INVS: variants seen among roughly 807,000 people sequenced by gnomAD.
INVS encodes the protein inversin.
INVS carries 86 observed loss-of-function variants against 108.8 expected under a neutral mutation model. The ratio of observed to expected loss-of-function variants is 0.79; its 90% CI spans 0.66 to 0.95. INVS has a LOEUF of 0.95. INVS is among the 40% of genes least tolerant of loss of function. INVS has a pLI of 0.00. For synonymous variants in INVS, 455 were observed against 473.5 expected (o/e 0.96, Z 0.51); for missense variants, 1,169 against 1,297.4 (o/e 0.90, Z 1.52).
intron 3 of INVS, among the ~76,000 whole-genome samples, chr9:100,199,497 C>A (rs1349832529): frequency 6.6e-6 from 1 of 151,942 alleles, no homozygotes; most frequent in Non-Finnish European, 1.5e-5. Flanking sequence ...TTTAATTTTT[C>A]ATTTTAGTTC....
At chr9:100,150,732 GATT>G (rs1433244169) in intron 3 of INVS, among the ~76,000 whole-genome samples, 1 of 152,126 alleles carries the variant, frequency 6.6e-6, no homozygotes, top group African/African-American at 2.4e-5. Context: ...GAATCAGGAT[GATT>G]ATTATTCCTA....
At chr9:100,122,874 G>A (rs1035037099) in intron 2 of INVS, among the ~76,000 whole-genome samples, 9 of 151,928 alleles carry the variant, frequency 5.9e-5, no homozygotes, top group African/African-American at 1.9e-4. Flanking sequence ...GTGAGCCACT[G>A]CGCCCAGCCT....
intron 10 of INVS, among the ~76,000 whole-genome samples, chr9:100,261,042 A>C (rs758397878): frequency 4.6e-5 from 7 of 152,184 alleles, no homozygotes; most frequent in Non-Finnish European, 1.0e-4. Flanking sequence ...AATTTATCTC[A>C]GTTTAGCCAG....
intron 3 of INVS, chr9:100,175,852 T>A (rs548504554): frequency 1.5e-6 from 1 of 652,098 alleles, no homozygotes; most frequent in East Asian, 4.1e-5. Flanking sequence ...CCTGGAACAA[T>A]CCCTTCTATA....
At chr9:100,270,129 T>TG (rs1832906975) in intron 11 of INVS, among the ~76,000 whole-genome samples, 1 of 151,974 alleles carries the variant, frequency 6.6e-6, no homozygotes, top group South Asian at 2.1e-4. Context: ...CAATTTTTTT[T>TG]TTGCAGTGTT....
chr9:100,132,436 T>C (rs2787366), intron 3 of INVS, among the ~76,000 whole-genome samples: 104,168 of 152,122 alleles, frequency 0.68, 36,784 homozygotes, highest in East Asian at 0.91. Context: ...TAATAAACAA[T>C]GCTCTTGTAT....
At chr9:100,288,941 A>C (rs1327217843) in intron 13 of INVS, among the ~76,000 whole-genome samples, 1 of 151,966 alleles carries the variant, frequency 6.6e-6, no homozygotes, top group Non-Finnish European at 1.5e-5. Flanking sequence ...TTTGATCTTT[A>C]TGCTGAGGCC....
Position 100,253,150 on chromosome 9 carries a change from C to G in INVS, c.1464+14C>G, listed in dbSNP as rs761109660. 2 of 1,581,712 alleles carry G rather than the reference C, an allele frequency of 1.3e-6. No individual in the cohort carries two copies. Among genetic ancestry groups the G allele is most frequent in the Non-Finnish European group, 1.7e-6 (2 of 1,151,872 alleles). ...CAAGACAAAGAGGTAGAAATTCTGT[C>G]TTTTCTATATTGTTTGCTCCAAAGA... On this transcript the variant is annotated intron_variant, in intron 10 of 16. Transcript: ENST00000262457.
At chr9:100,211,761 T>C (rs1830838604) in intron 3 of INVS, among the ~76,000 whole-genome samples, 1 of 152,216 alleles carries the variant, frequency 6.6e-6, no homozygotes, top group African/African-American at 2.4e-5. Flanking sequence ...GCTGATGTAT[T>C]GTCTAGCTGC....
At chr9:100,223,285 C>T (rs1831207156) in intron 3 of INVS, among the ~76,000 whole-genome samples, 1 of 151,834 alleles carries the variant, frequency 6.6e-6, no homozygotes, top group Non-Finnish European at 1.5e-5. Context: ...TTAGTAGACA[C>T]AAAGTTTCAC....
intron 3 of INVS, among the ~76,000 whole-genome samples, chr9:100,141,167 T>TG (rs1178715400): frequency 1.3e-5 from 2 of 152,202 alleles, no homozygotes; most frequent in Admixed American, 1.3e-4. Context: ...ACAAGTTTTT[T>TG]GGGGCACAGT....
At chr9:100,100,638 T>TTA (rs1490749349) in intron 1 of INVS, among the ~76,000 whole-genome samples, 1 of 58,148 alleles carries the variant, frequency 1.7e-5, no homozygotes, top group Non-Finnish European at 2.8e-5. Flanking sequence ...AATATATATA[T>TTA]TATATATGTA....
chr9:100,206,981 T>C (rs997757269), intron 3 of INVS, among the ~76,000 whole-genome samples: 2 of 152,216 alleles, frequency 1.3e-5, no homozygotes, highest in Admixed American at 1.3e-4. Flanking sequence ...AGTGATGTTG[T>C]ATTCCTCTCA....
intron 3 of INVS, among the ~76,000 whole-genome samples, chr9:100,147,245 T>A (rs1033527271): frequency 2.0e-5 from 3 of 152,198 alleles, no homozygotes; most frequent in African/African-American, 7.2e-5. Context: ...TTCTGTAAAA[T>A]GACTTTCTTG....
chr9:100,113,529 A>G (rs1311701871), intron 2 of INVS, among the ~76,000 whole-genome samples: 3 of 152,172 alleles, frequency 2.0e-5, no homozygotes, highest in African/African-American at 7.2e-5. Flanking sequence ...TTCATGCCCA[A>G]AACAACCCAG....
intron 3 of INVS, among the ~76,000 whole-genome samples, chr9:100,136,680 C>T (rs1828235404): frequency 6.6e-6 from 1 of 152,066 alleles, no homozygotes; most frequent in African/African-American, 2.4e-5. Flanking sequence ...GAAAAGGAGA[C>T]ATCAAAAATT....
intron 3 of INVS, among the ~76,000 whole-genome samples, chr9:100,169,033 C>A (rs535540994): frequency 1.1e-4 from 17 of 152,060 alleles, no homozygotes; most frequent in African/African-American, 3.6e-4. Flanking sequence ...ATTTTTAATA[C>A]TATTAATAGA....
chr9:100,122,880 A>G (rs846758), intron 2 of INVS, among the ~76,000 whole-genome samples: 104,141 of 151,996 alleles, frequency 0.69, 36,926 homozygotes, highest in East Asian at 0.91. Flanking sequence ...CACTGCGCCC[A>G]GCCTAATCAA....
At chr9:100,197,973 A>T (rs1830427282) in intron 3 of INVS, among the ~76,000 whole-genome samples, 1 of 152,206 alleles carries the variant, frequency 6.6e-6, no homozygotes, top group South Asian at 2.1e-4. Context: ...CTGAGGCCTA[A>T]AGCACCCAAC....
Sources: allele counts gnomAD v4.1 joint callset (sites outside exome capture counted in the v4.1 genomes callset), GRCh38; gene constraint gnomAD v4.1.1; transcripts MANE v1.5; gene names NCBI Gene and HGNC (gene_info 2026-07-23, HGNC 2026-07-21).